PHACTR2: variants seen among roughly 807,000 people sequenced by gnomAD.
PHACTR2 encodes phosphatase and actin regulator 2, also known as chromosome 6 open reading frame 56.
Under a neutral mutation model 76.0 loss-of-function variants are expected in PHACTR2, and 30 were observed. The observed-to-expected ratio is 0.39, with a 90% confidence interval of 0.30 to 0.54. The LOEUF (loss-of-function observed/expected upper bound fraction) is 0.54, where lower values mean the gene tolerates loss of function less well. Among genes scored for constraint, PHACTR2 ranks in the 20% least tolerant of loss-of-function variants. PHACTR2 has a pLI of 0.61. For missense variants in PHACTR2, 696 were observed against 781.1 expected, an observed-to-expected ratio of 0.89 and a Z score of 1.30; for synonymous variants, 292 against 292.5, an observed-to-expected ratio of 1.00 and a Z score of 0.02.
intron 9 of PHACTR2, among the ~76,000 whole-genome samples, chr6:143,781,995 G>A (rs963974197): frequency 1.3e-5 from 2 of 152,162 alleles, no homozygotes; most frequent in East Asian, 3.8e-4. Flanking sequence ...AGAGAATTTA[G>A]CCTGTTCAAC....
chr6:143,576,100 T>C (rs72997700), intron 1 of PHACTR2, among the ~76,000 whole-genome samples: 29 of 152,354 alleles, frequency 1.9e-4, no homozygotes, highest in Non-Finnish European at 3.1e-4. Flanking sequence ...TCCAAAGGGT[T>C]TTTCTTTATC....
At position 143,570,895 on chromosome 6, in the gene PHACTR2, C is replaced by A. The variant is rs1219393699; in HGVS notation, c.217+33688C>A. ...GAAGACAATTGCCCTGATTCCCTAA[C>A]CTAAGGGATGGCTCTGCAAGTGGTG... On this transcript the variant is annotated intron_variant, in intron 1 of 11. Transcript: ENST00000367584. The surrounding 1 kb of genome is among the most constrained non-coding windows in gnomAD (Gnocchi z 4.6). Among the ~76,000 whole-genome samples the A allele has an allele frequency of 6.6e-6, 1 of 152,138 alleles. No homozygotes were observed. Among genetic ancestry groups the A allele is most frequent in the Non-Finnish European group, 1.5e-5 (1 of 68,020 alleles).
chr6:143,657,624 CCACGT>C (rs1457739788), intron 1 of PHACTR2, among the ~76,000 whole-genome samples: 1 of 152,146 alleles, frequency 6.6e-6, no homozygotes, highest in Non-Finnish European at 1.5e-5. Context: ...CTCTTAGAAG[CCACGT>C]CTTTTGAAAG....
chr6:143,822,116 A>G lies in PHACTR2; in HGVS notation c.1923-1558A>G, dbSNP rs1191922322. 6.6e-6 allele frequency among the ~76,000 whole-genome samples: 1 copy of G among 152,210 alleles called. No homozygotes were observed. Among genetic ancestry groups the G allele is most frequent in the African/African-American group, 2.4e-5 (1 of 41,446 alleles). ...TGGAAGCAGTGATAGAGATATAGCT[A>G]GAACCATGAGTTGGGCCACTTTCTG... On this transcript the variant is annotated intron_variant, in intron 12 of 12. Transcript: ENST00000440869. This position sits in a 1 kb window ranked among gnomAD's most constrained non-coding sequence, Gnocchi z 5.5.
intron 1 of PHACTR2, among the ~76,000 whole-genome samples, chr6:143,573,179 G>T (rs992355188): frequency 3.3e-5 from 5 of 152,164 alleles, no homozygotes; most frequent in African/African-American, 9.7e-5. Context: ...TGTTGAAAAT[G>T]CCTTAGTGTT....
Position 143,581,735 on chromosome 6 carries a change from G to C in PHACTR2, c.217+44528G>C, listed in dbSNP as rs1177212961. ...AATCCCAGCTAGTCAGGAGGGTGAGGCAGGAGGATCACCTGAGCCTGGGAA... is the reference window on the plus strand; with the variant it reads ...AATCCCAGCTAGTCAGGAGGGTGAGCCAGGAGGATCACCTGAGCCTGGGAA... On this transcript the variant is annotated intron_variant, in intron 1 of 11. Transcript: ENST00000367584. The surrounding 1 kb of genome is among the most constrained non-coding windows in gnomAD (Gnocchi z 4.5). Among the ~76,000 whole-genome samples the C allele has an allele frequency of 6.6e-6, 1 of 152,054 alleles. No homozygotes were observed. The highest frequency in any genetic ancestry group is 1.9e-4 in the East Asian group (1 of 5,188).
chr6:143,659,003 A>G lies in PHACTR2; in HGVS notation c.13+50681A>G, dbSNP rs7769294. The stretch of plus-strand genomic sequence containing the variant: ...CATGCCACTGCACTCCAGCCTGGGC[A>G]ACAAAGCAAGATTCTGTCTCAAAAA... On this transcript the variant is annotated intron_variant, in intron 1 of 11. Coordinates refer to the PHACTR2 transcript ENST00000305766. The surrounding 1 kb of genome is among the most constrained non-coding windows in gnomAD (Gnocchi z 5.0). Among the ~76,000 whole-genome samples, 40,008 of 150,608 alleles carry G rather than the reference A, an allele frequency of 0.27. 5,750 individuals are homozygous for G. The highest frequency in any genetic ancestry group is 0.38 in the African/African-American group (15,665 of 40,882).
intron 1 of PHACTR2, among the ~76,000 whole-genome samples, chr6:143,577,772 G>GAA (rs67150218): frequency 1.6e-4 from 23 of 146,904 alleles, no homozygotes; most frequent in African/African-American, 3.0e-4. Flanking sequence ...ATCGTCGATG[G>GAA]AAAAAAAAAA....
chr6:143,647,372 C>T lies in PHACTR2; in HGVS notation c.13+39050C>T, dbSNP rs1776677880. On this transcript the variant is annotated intron_variant, in intron 1 of 11. Transcript: ENST00000305766. The surrounding 1 kb of genome is among the most constrained non-coding windows in gnomAD (Gnocchi z 4.2). ...TGAAACCCTCCTGTTAACCAGTGACCTTTTCTCCTCTCAAAATTCTGCAGT... is the reference window on the plus strand; with the variant it reads ...TGAAACCCTCCTGTTAACCAGTGACTTTTTCTCCTCTCAAAATTCTGCAGT... 1.3e-5 allele frequency among the ~76,000 whole-genome samples: 2 copies of T among 152,168 alleles called. No homozygotes were observed. The highest frequency in any genetic ancestry group is 2.1e-4 in the South Asian group (1 of 4,830).
rs532095370 is a variant in PHACTR2 at position 143,678,216 on chromosome 6, C to A, written c.46+7C>A. 1.2e-5 allele frequency: 18 copies of A among 1,503,032 alleles called. No homozygotes were observed. The East Asian group carries it at 3.1e-4, about 26-fold the overall frequency. The allele number at this position is 1,503,032 out of a possible 1,614,324, so 93.1% of individuals were successfully genotyped here. On this transcript the variant is annotated splice_region_variant and intron_variant, in intron 1 of 12. Transcript: ENST00000440869. The surrounding 1 kb of genome is among the most constrained non-coding windows in gnomAD (Gnocchi z 6.2). ...TCCCCGCAGCCCGGCAGCGGTGAGT[C>A]CGGGGCGCACGCGATGCGCTCCCGC...
rs76870091 is a variant in PHACTR2, at chr6:143,780,002, A to G, written c.1645+2619A>G. Among the ~76,000 whole-genome samples, 15,689 of 150,324 alleles carry G rather than the reference A, an allele frequency of 0.1. 935 individuals carry two copies. Among genetic ancestry groups the G allele is most frequent in the South Asian group, 0.23 (1,079 of 4,784 alleles). On this transcript the variant is annotated intron_variant, in intron 9 of 12. Transcript: ENST00000440869. This position sits in a 1 kb window ranked among gnomAD's most constrained non-coding sequence, Gnocchi z 4.4. ...CTAAAAACTGATAAAATAGAAAGCAACTTTTGGTACTTAAAAGTTCAACTT... is the reference window on the plus strand; with the variant it reads ...CTAAAAACTGATAAAATAGAAAGCAGCTTTTGGTACTTAAAAGTTCAACTT...
At chr6:143,792,445 C>T (rs1220237840) in intron 11 of PHACTR2, among the ~76,000 whole-genome samples, 7 of 152,070 alleles carry the variant, frequency 4.6e-5, no homozygotes, top group Non-Finnish European at 1.0e-4. Flanking sequence ...GGTCATTCAC[C>T]TCTCATTTAG....
chr6:143,646,241 T>C lies in PHACTR2; in HGVS notation c.13+37919T>C, dbSNP rs1447308676. Among the ~76,000 whole-genome samples, 1 of 152,226 alleles carries C rather than the reference T, an allele frequency of 6.6e-6. No homozygotes were observed. Among genetic ancestry groups the C allele is most frequent in the Non-Finnish European group, 1.5e-5 (1 of 68,024 alleles). On this transcript the variant is annotated intron_variant, in intron 1 of 11. Transcript: ENST00000305766. This position sits in a 1 kb window ranked among gnomAD's most constrained non-coding sequence, Gnocchi z 4.1. ...CCCCAAATCTAGGGTTTTATTTTCA[T>C]TGTTAGAGTGTCTATGTCTATGTCA...
At chr6:143,620,304 G>A (rs967669400) in intron 1 of PHACTR2, among the ~76,000 whole-genome samples, 1 of 152,092 alleles carries the variant, frequency 6.6e-6, no homozygotes, top group East Asian at 1.9e-4. Context: ...AGCTGTCTCA[G>A]GGAAGGTTTT....
rs1424618854 is a variant in PHACTR2, at chr6:143,641,062, G to A, written c.13+32740G>A. ...TGGAGGTTGGTGGTCCACGATCAAG[G>A]TGCTGGCATCTGCTGAGGGCATTCT... On this transcript the variant is annotated intron_variant, in intron 1 of 11. Coordinates refer to the PHACTR2 transcript ENST00000305766. The surrounding 1 kb of genome is among the most constrained non-coding windows in gnomAD (Gnocchi z 5.8). 6.6e-6 allele frequency among the ~76,000 whole-genome samples: 1 copy of A among 152,174 alleles called. No individual in the cohort carries two copies. Among genetic ancestry groups the A allele is most frequent in the African/African-American group, 2.4e-5 (1 of 41,420 alleles).
intron 1 of PHACTR2, among the ~76,000 whole-genome samples, chr6:143,545,019 C>T (rs1302700735): frequency 2.6e-5 from 4 of 151,882 alleles, no homozygotes; most frequent in African/African-American, 9.7e-5. Flanking sequence ...TCTCAGCTCA[C>T]TACAACCTCT....
chr6:143,548,089 G>C lies in PHACTR2; in HGVS notation c.217+10882G>C, dbSNP rs976050703. 6.6e-6 allele frequency among the ~76,000 whole-genome samples: 1 copy of C among 152,156 alleles called. No homozygotes were observed. The highest frequency in any genetic ancestry group is 2.4e-5 in the African/African-American group (1 of 41,428). ...CTTATTATGTCTCACAGTTCTGGAG[G>C]CTGGAAGTTCAAGATCAAGACACTG... On this transcript the variant is annotated intron_variant, in intron 1 of 11. Transcript: ENST00000367584. This position sits in a 1 kb window ranked among gnomAD's most constrained non-coding sequence, Gnocchi z 4.5.
At position 143,793,409 on chromosome 6, in the gene PHACTR2, C is replaced by T. The variant is rs1287236974; in HGVS notation, c.1845+4499C>T. Among the ~76,000 whole-genome samples the T allele has an allele frequency of 6.6e-6, 1 of 152,074 alleles. No individual in the cohort carries two copies. The highest frequency in any genetic ancestry group is 1.5e-5 in the Non-Finnish European group (1 of 68,022). ...CTTTGAAGGCATATGACTTTGACATCTCCCTTGCAGATCTGAGCCCCAGAG... is the reference window on the plus strand; with the variant it reads ...CTTTGAAGGCATATGACTTTGACATTTCCCTTGCAGATCTGAGCCCCAGAG... On this transcript the variant is annotated intron_variant, in intron 11 of 12. Coordinates refer to ENST00000440869, the MANE Select transcript of PHACTR2 (RefSeq NM_001100164.2). This position sits in a 1 kb window ranked among gnomAD's most constrained non-coding sequence, Gnocchi z 4.4.
chr6:143,632,422 C>T (rs1031998266), intron 1 of PHACTR2, among the ~76,000 whole-genome samples: 1 of 152,122 alleles, frequency 6.6e-6, no homozygotes, highest in East Asian at 1.9e-4. Context: ...ATGTGTTTGA[C>T]TTTTTAAAAG....
Sources: allele counts gnomAD v4.1 joint callset (sites outside exome capture counted in the v4.1 genomes callset), GRCh38; gene constraint gnomAD v4.1.1; non-coding constraint Gnocchi (gnomAD v3.1); transcripts MANE v1.5; gene names NCBI Gene and HGNC (gene_info 2026-07-23, HGNC 2026-07-21).